Variants in FHDC1 observed in about 807,000 individuals in gnomAD.
FHDC1 encodes the protein FH2 domain containing 1, also known as FH2 domain-containing protein 1.
A neutral mutation model predicts 52.6 loss-of-function variants in FHDC1; 25 were observed. That is an observed-to-expected ratio of 0.48 (90% CI 0.35 to 0.66). FHDC1 has a LOEUF of 0.66. Among genes scored for constraint, FHDC1 ranks in the 30% least tolerant of loss-of-function variants. The pLI, the probability that FHDC1 is intolerant of heterozygous loss-of-function variation, is 0.01. For missense variants in FHDC1, 1,459 were observed against 1,452.8 expected (o/e 1.00, Z -0.07); for synonymous variants, 616 against 581.5 (o/e 1.06, Z -0.85).
In FHDC1 at chr4:152,975,443, A is replaced by T. The variant is rs747653331; in HGVS notation, c.2152A>T (p.Ser718Cys). The change falls in exon 12 of 12, where the codon AGT (serine) becomes TGT (cysteine). Residue 718 changes from serine (S) to cysteine (C), a missense_variant. This residue lies in a region of FHDC1 where 939 missense variants were observed against 854.5 expected (regional missense o/e 1.10). Transcript: ENST00000511601. ...GGGGCATAGGGGCCCGCAGTCCCTCAGTGCCAGCAGCAGCAGCCTGACACC... is the reference window on the plus strand; with the variant it reads ...GGGGCATAGGGGCCCGCAGTCCCTCTGTGCCAGCAGCAGCAGCCTGACACC... ...SVGHRGPQSL[S>C]ASSSSLTPMG... is the part of the protein sequence containing the mutation. The T allele has an allele frequency of 1.5e-5, 25 of 1,613,306 alleles. No individual in the cohort carries two copies. The South Asian group carries it at 2.6e-4, about 17-fold the overall frequency.
At chr4:152,920,899 C>T in the FHDC1 span, among the ~76,000 whole-genome samples, 1 of 150,974 alleles carries the variant, frequency 6.6e-6, no homozygotes, top group African/African-American at 2.4e-5. Flanking sequence ...AAATAATTTC[C>T]CTTTAATTAT....
In FHDC1 at chr4:152,967,956, C is replaced by T. The variant is rs1248495841; in HGVS notation, c.1101-24C>T. On this transcript the variant is annotated intron_variant, in intron 9 of 11. Coordinates refer to ENST00000511601, the MANE Select transcript of FHDC1 (RefSeq NM_001371116.1). ...CACATGGCTTCCTTGTTCCAACTGC[C>T]CACTCTCCCCTTTCTTCTTTTAGAT... 3.8e-6 allele frequency: 6 copies of T among 1,574,158 alleles called. No homozygotes were observed. In the African/African-American group the frequency reaches 5.4e-5, roughly 14 times the overall value.
chr4:152,939,747 C>CA (rs1192413912), intron 1 of FHDC1, among the ~76,000 whole-genome samples: 1 of 152,158 alleles, frequency 6.6e-6, no homozygotes, highest in Non-Finnish European at 1.5e-5. Flanking sequence ...AGAGCCCAGC[C>CA]ATGACAGCTC....
chr4:152,920,287 TGAA>T, the FHDC1 span, among the ~76,000 whole-genome samples: 10 of 152,190 alleles, frequency 6.6e-5, no homozygotes, highest in Non-Finnish European at 1.0e-4. Flanking sequence ...TGCAATCTGA[TGAA>T]GAAGAAATTG....
the FHDC1 span, among the ~76,000 whole-genome samples, chr4:152,921,407 A>T: frequency 6.6e-6 from 1 of 152,096 alleles, no homozygotes; most frequent in South Asian, 2.1e-4. Flanking sequence ...TATCTAATTA[A>T]TTTTTTAATA....
chr4:152,976,086 C>G lies in FHDC1; in HGVS notation c.2795C>G (p.Pro932Arg). ...TCCCGGGGGCCCTCCCAGAATCCCC[C>G]CAGCAGCACAGATACTGTGTGGTCA... Reference protein sequence around the residue: ...LSSRGPSQNPPSSTDTVWSRQ... With the variant: ...LSSRGPSQNPRSSTDTVWSRQ... Residue 932 changes from proline to arginine, a missense_variant, in exon 12 of 12, where the codon CCC (proline) becomes CGC (arginine). Pro to Arg is a moderately radical substitution (Grantham distance 103). Coordinates refer to ENST00000511601, the MANE Select transcript of FHDC1 (RefSeq NM_001371116.1). 1 of 1,606,724 alleles carries G rather than the reference C, an allele frequency of 6.2e-7. No homozygotes were observed. Among genetic ancestry groups the G allele is most frequent in the Non-Finnish European group, 8.5e-7 (1 of 1,176,922 alleles).
At chr4:152,925,471 T>A in the FHDC1 span, among the ~76,000 whole-genome samples, 2 of 152,098 alleles carry the variant, frequency 1.3e-5, no homozygotes, top group Non-Finnish European at 2.9e-5. Context: ...GATAGCTAAA[T>A]TTACATCTCA....
the FHDC1 span, chr4:152,911,547 T>A: frequency 2.0e-5 from 3 of 152,642 alleles, no homozygotes; most frequent in Non-Finnish European, 4.4e-5. Context: ...CTCTTTTAGT[T>A]TTTGTCATAG....
chr4:152,935,336 C>T (rs1739332056), upstream of FHDC1, among the ~76,000 whole-genome samples: 1 of 152,102 alleles, frequency 6.6e-6, no homozygotes, highest in Non-Finnish European at 1.5e-5. Context: ...TCAAAGGTAG[C>T]GATGACTTCA....
upstream of FHDC1, among the ~76,000 whole-genome samples, chr4:152,931,455 AACACACAC>A (rs56142204): frequency 0.067 from 8,521 of 127,206 alleles, 515 homozygotes; most frequent in African/African-American, 0.15. Flanking sequence ...CAGCCTCTAA[AACACACAC>A]ACACACACAC....
Position 152,959,303 on chromosome 4 carries a change from G to T in FHDC1, c.664-1262G>T, listed in dbSNP as rs570538842. 2.5e-4 allele frequency among the ~76,000 whole-genome samples: 38 copies of T among 152,330 alleles called. 1 individual carries two copies. The South Asian group carries it at 7.5e-3, about 30-fold the overall frequency. On this transcript the variant is annotated intron_variant, in intron 4 of 11. Transcript: ENST00000511601. ...CCATGGGAATGGCCCAGTGTTCTGT[G>T]TGGGGAAGGCATGATTTGTGATCTA...
In FHDC1 at chr4:152,974,781, G is replaced by A. The variant is rs767246856; in HGVS notation, c.1490G>A (p.Arg497Gln). The A allele has an allele frequency of 1.2e-5, 18 of 1,540,914 alleles. No individual in the cohort carries two copies. The highest frequency in any genetic ancestry group is 1.5e-5 in the Non-Finnish European group (17 of 1,141,328). Residue 497 changes from arginine to glutamine, a missense_variant, in exon 12 of 12, where the codon CGG (arginine) becomes CAG (glutamine). This residue lies in a region of FHDC1 where 7 missense variants were observed against 16.8 expected (regional missense o/e 0.42). Transcript: ENST00000511601. ...ACTGGGGAGCTGGGGGCATTTGGCCGGAGCAGCAGTGAGAATGATGTGGAG... is the reference window on the plus strand; with the variant it reads ...ACTGGGGAGCTGGGGGCATTTGGCCAGAGCAGCAGTGAGAATGATGTGGAG... ...WATGELGAFG[R>Q]SSSENDVELL... is the part of the protein sequence containing the mutation.
chr4:152,938,865 G>C (rs553900515), intron 1 of FHDC1, among the ~76,000 whole-genome samples: 1 of 151,690 alleles, frequency 6.6e-6, no homozygotes, highest in South Asian at 2.1e-4. Flanking sequence ...TGAGCACCAG[G>C]ACCGCTGGTG....
chr4:152,928,035 G>T, the FHDC1 span: 3 of 1,447,300 alleles, frequency 2.1e-6, no homozygotes, highest in African/African-American at 1.4e-5. Context: ...TCCCTGAGTG[G>T]CTCCTCCATC....
rs1168167788 is a variant in FHDC1, at chr4:152,963,006, T to C, written c.922-17T>C. The C allele has an allele frequency of 6.2e-7, 1 of 1,611,532 alleles. No individual in the cohort carries two copies. On this transcript the variant is annotated splice_polypyrimidine_tract_variant and intron_variant, in intron 7 of 11. Transcript: ENST00000511601. ...GTATGTATACATAATTTTTTCTTTT[T>C]GATTTGTCTTCTTTAGGGAGGGTAT...
intron 2 of FHDC1, 49 bp downstream of exon 2, chr4:152,943,604 G>A (rs1390736609): frequency 1.3e-6 from 2 of 1,556,916 alleles, no homozygotes; most frequent in Non-Finnish European, 1.7e-6. Context: ...GCATTGTTTT[G>A]TGTTTTGGGA....
At chr4:152,962,689 G>T (rs890886862) in intron 6 of FHDC1, 125 bp from the exon 7 acceptor site, 1 of 706,996 alleles carries the variant, frequency 1.4e-6, no homozygotes, top group Non-Finnish European at 2.4e-6. Flanking sequence ...TGTTTTTTCC[G>T]TTTTATATAC....
At chr4:152,928,043 A>G in the FHDC1 span, 2 of 1,438,136 alleles carry the variant, frequency 1.4e-6, no homozygotes, top group Non-Finnish European at 2.0e-6. Flanking sequence ...TGGCTCCTCC[A>G]TCCACTGCCC....
In FHDC1 at chr4:152,962,816, C is replaced by T. The variant is rs1184122758; in HGVS notation, c.853C>T (p.Leu285=). Residue 285 remains leucine, a splice_region_variant and synonymous_variant, in exon 7 of 12, where the codon CTG becomes TTG. Coordinates refer to ENST00000511601, the MANE Select transcript of FHDC1 (RefSeq NM_001371116.1). ...ITVLRTAIKE[L]MSCEELHSIL... ...CTGTGATGTGTTCTTTTTGATAGAACTGATGTCATGTGAAGAGCTACATTC... is the reference window on the plus strand; with the variant it reads ...CTGTGATGTGTTCTTTTTGATAGAATTGATGTCATGTGAAGAGCTACATTC... The T allele has an allele frequency of 1.2e-6, 2 of 1,613,700 alleles. No individual in the cohort carries two copies. The highest frequency in any genetic ancestry group is 1.7e-6 in the Non-Finnish European group (2 of 1,179,840).
Sources: allele counts gnomAD v4.1 joint callset (sites outside exome capture counted in the v4.1 genomes callset), GRCh38; gene constraint gnomAD v4.1.1; regional missense constraint gnomAD v4.1.1; transcripts MANE v1.5; gene names NCBI Gene and HGNC (gene_info 2026-07-23, HGNC 2026-07-21).